DSN1: variants seen among roughly 807,000 people sequenced by gnomAD.
The protein encoded by DSN1 is kinetochore-associated protein DSN1 homolog.
Under a neutral mutation model 45.7 loss-of-function variants are expected in DSN1, and 31 were observed. The observed-to-expected ratio is 0.68, with a 90% CI of 0.51 to 0.92. The LOEUF (loss-of-function observed/expected upper bound fraction) is 0.92. Ranked by LOEUF, DSN1 falls within the 40% of genes least tolerant of loss-of-function variation. The pLI is 0.00. For synonymous variants in DSN1, 134 were observed against 142.3 expected, an observed-to-expected ratio of 0.94 and a Z score of 0.41; for missense variants, 394 against 414.2, an observed-to-expected ratio of 0.95 and a Z score of 0.42.
intron 4 of DSN1, 27 bp from the exon 5 acceptor site, chr20:36,766,868 C>G: frequency 1.3e-6 from 2 of 1,551,224 alleles, no homozygotes; most frequent in Non-Finnish European, 1.7e-6. Flanking sequence ...ATTTTTAGTA[C>G]AACCACCAAA....
chr20:36,770,981 G>C lies in DSN1; in HGVS notation c.247C>G (p.Gln83Glu), dbSNP rs1413718134. 1 of 1,614,236 alleles carries C rather than the reference G, an allele frequency of 6.2e-7. No homozygotes were observed. Among genetic ancestry groups the C allele is most frequent in the Non-Finnish European group, 8.5e-7 (1 of 1,180,038 alleles). Residue 83 changes from glutamine to glutamate, a missense_variant, in exon 3 of 11, where the codon CAA becomes GAA. Coordinates refer to ENST00000373750, the MANE Select transcript of DSN1 (RefSeq NM_001145315.2). ...TCTTGATAACTGGCAGATTGTTCTT[G>C]AGGAGACAAATGAAGGGACTTCGAC... ...LQSKSLHLSP[Q>E]EQSASYQDRR... is the part of the protein sequence containing the mutation.
intron 8 of DSN1, among the ~76,000 whole-genome samples, chr20:36,757,019 A>G (rs2148260214): frequency 6.6e-6 from 1 of 152,292 alleles, no homozygotes; most frequent in Non-Finnish European, 1.5e-5. Flanking sequence ...TATCTCAAAA[A>G]AAAGCTTAAA....
chr20:36,772,992 G>A (rs906785273), intron 1 of DSN1, among the ~76,000 whole-genome samples: 2 of 152,190 alleles, frequency 1.3e-5, no homozygotes, highest in Admixed American at 6.5e-5. Flanking sequence ...TGTCTGTGGG[G>A]GGTGCTAAGT....
chr20:36,766,172 T>G (rs1346380583), intron 5 of DSN1, among the ~76,000 whole-genome samples: 1 of 120,574 alleles, frequency 8.3e-6, no homozygotes, highest in Non-Finnish European at 1.6e-5. Context: ...CCAGCCTGGG[T>G]GACAGAGCCG....
Position 36,752,508 on chromosome 20 carries a change from C to T in DSN1, c.*280G>A, listed in dbSNP as rs1986429957. ...TTTCAAAACCTGAAAAACACCTTCACAGGATAAAGATAAAAGAATGGGCCA... is the reference window on the plus strand; with the variant it reads ...TTTCAAAACCTGAAAAACACCTTCATAGGATAAAGATAAAAGAATGGGCCA... On this transcript the variant is annotated 3_prime_UTR_variant, in exon 11 of 11. Transcript: ENST00000373750. The T allele has an allele frequency of 3.2e-6, 1 of 310,178 alleles. No individual in the cohort carries two copies. The highest frequency in any genetic ancestry group is 5.9e-6 in the Non-Finnish European group (1 of 169,824). 19.2% of individuals were successfully genotyped at this position (310,178 alleles called of 1,614,324 possible).
chr20:36,755,781 T>A lies in DSN1; in HGVS notation c.774A>T (p.Thr258=), dbSNP rs1219830919. ...CTTCATTCTGAGAAGACCCAAGATA[T>A]GTCATAGGTTCCACTTTGACCTCAG... ...KITEVKVEPM[T]YLGSSQNEVL... The change falls in exon 9 of 11, where the codon ACA becomes ACT. Residue 258 remains threonine, a synonymous_variant. Coordinates refer to ENST00000373750, the MANE Select transcript of DSN1 (RefSeq NM_001145315.2). 4 of 1,614,064 alleles carry A rather than the reference T, an allele frequency of 2.5e-6. No individual in the cohort carries two copies. In the South Asian group the frequency reaches 3.3e-5, roughly 13 times the overall value.
intron 3 of DSN1, 62 bp downstream of exon 3, chr20:36,770,806 TATCTG>T (rs1987603665): frequency 6.6e-7 from 1 of 1,518,728 alleles, no homozygotes; most frequent in Non-Finnish European, 8.8e-7. Flanking sequence ...CACTGCCTCT[TATCTG>T]AGCTGGAACC....
intron 6 of DSN1, 62 bp from the exon 7 acceptor site, chr20:36,758,679 C>T: frequency 6.9e-7 from 1 of 1,445,686 alleles, no homozygotes; most frequent in Non-Finnish European, 9.5e-7. Flanking sequence ...AATATAATCG[C>T]TTATAAATTA....
chr20:36,760,336 GCT>G (rs905847783), intron 6 of DSN1, among the ~76,000 whole-genome samples: 3 of 152,148 alleles, frequency 2.0e-5, no homozygotes, highest in African/African-American at 7.2e-5. Flanking sequence ...GGCACTTAAG[GCT>G]CTCTGTGTTC....
chr20:36,773,442 G>A lies in DSN1; in HGVS notation c.-16+220C>T, dbSNP rs935606060. The A allele has an allele frequency of 1.4e-5, 14 of 985,486 alleles. 1 individual carries two copies. In the African/African-American group the frequency reaches 2.4e-4, roughly 17 times the overall value. 61.0% of individuals were successfully genotyped at this position (985,486 alleles called of 1,614,324 possible). Reference sequence around the variant, plus strand: ...CTGGCACGGCAGATACGTCTCTAATGGGGTCGGTAAGGGGGACTGCCCTCG... The same window carrying A: ...CTGGCACGGCAGATACGTCTCTAATAGGGTCGGTAAGGGGGACTGCCCTCG... On this transcript the variant is annotated intron_variant, in intron 1 of 10. Transcript: ENST00000373750.
At chr20:36,753,987 C>G (rs1182498055) in intron 10 of DSN1, among the ~76,000 whole-genome samples, 1 of 148,054 alleles carries the variant, frequency 6.8e-6, no homozygotes, top group Non-Finnish European at 1.5e-5. Flanking sequence ...GCCTGGGCAA[C>G]AAGAGTGAAA....
rs779200789 is a variant in DSN1, at chr20:36,771,192, T to A, written c.36A>T (p.Glu12Asp). ...TSVTRSEIID[E>D]KGPVMSKTHD... ...GAGTCTTAGACATCACTGGTCCTTT[T>A]TCTAGTATTTGTTATAAAAAAGTCA... Residue 12 changes from glutamate to aspartate, a missense_variant and splice_region_variant, in exon 3 of 11, where the codon GAA (glutamate) becomes GAT (aspartate). Glu to Asp is a conservative substitution (Grantham distance 45). Coordinates refer to ENST00000373750, the MANE Select transcript of DSN1 (RefSeq NM_001145315.2). 8.2e-6 allele frequency: 13 copies of A among 1,587,856 alleles called. No individual in the cohort carries two copies. Among genetic ancestry groups the A allele is most frequent in the Non-Finnish European group, 1.1e-5 (13 of 1,167,632 alleles).
intron 3 of DSN1, among the ~76,000 whole-genome samples, chr20:36,768,758 T>C (rs987882802): frequency 9.2e-5 from 14 of 152,160 alleles, no homozygotes; most frequent in East Asian, 1.9e-4. Context: ...AGTACTATTA[T>C]AAAGTTCCAT....
intron 10 of DSN1, among the ~76,000 whole-genome samples, chr20:36,753,761 C>G (rs1475288369): frequency 1.3e-5 from 2 of 151,792 alleles, no homozygotes; most frequent in Non-Finnish European, 2.9e-5. Flanking sequence ...AATCCCAGCA[C>G]TTTGGGAGGC....
chr20:36,771,540 GC>G, intron 1 of DSN1, 67 bp from the exon 2 acceptor site: 3 of 1,476,158 alleles, frequency 2.0e-6, no homozygotes, highest in Non-Finnish European at 2.8e-6. Context: ...GGGCTTTACA[GC>G]CCCAGAATAA....
intron 5 of DSN1, among the ~76,000 whole-genome samples, chr20:36,763,290 G>A (rs1248375126): frequency 6.6e-6 from 1 of 151,092 alleles, no homozygotes; most frequent in Non-Finnish European, 1.5e-5. Context: ...CTGTAATCCC[G>A]GCTACTCGGG....
chr20:36,767,163 G>A (rs539069573), intron 4 of DSN1, among the ~76,000 whole-genome samples: 6 of 151,702 alleles, frequency 4.0e-5, no homozygotes, highest in Admixed American at 6.6e-5. Flanking sequence ...AAAAATTAGC[G>A]GGGCATGGTG....
At chr20:36,770,113 TAGATTG>T in intron 3 of DSN1, among the ~76,000 whole-genome samples, 1 of 152,118 alleles carries the variant, frequency 6.6e-6, no homozygotes, top group East Asian at 1.9e-4. Flanking sequence ...TCACCCAGGA[TAGATTG>T]AGTGGCGCAA....
intron 9 of DSN1, 124 bp downstream of exon 9, chr20:36,755,558 C>A: frequency 8.8e-7 from 1 of 1,137,644 alleles, no homozygotes; most frequent in Non-Finnish European, 1.2e-6. Flanking sequence ...CCATGTTTTC[C>A]TAAGGTAGAG....
Sources: allele counts gnomAD v4.1 joint callset (sites outside exome capture counted in the v4.1 genomes callset), GRCh38; gene constraint gnomAD v4.1.1; transcripts MANE v1.5; gene names NCBI Gene and HGNC (gene_info 2026-07-23, HGNC 2026-07-21).